Variants in SLC2A9 observed in about 807,000 individuals in gnomAD.
The protein encoded by SLC2A9 is solute carrier family 2 member 9.
In SLC2A9, 39 loss-of-function variants were observed where a neutral mutation model predicts 50.6. That is an observed-to-expected ratio of 0.77 (90% CI 0.60 to 1.01). SLC2A9 has a LOEUF of 1.01. SLC2A9 is among the 50% of genes least tolerant of loss of function. The probability of loss-of-function intolerance (pLI) is 0.00; values close to 1 mark genes in which losing one functional copy is unlikely to be tolerated. For synonymous variants in SLC2A9, 324 were observed against 276.9 expected (o/e 1.17, Z -1.69); for missense variants, 686 against 677.6 (o/e 1.01, Z -0.14).
rs559300020 is a variant in SLC2A9 at position 9,997,056 on chromosome 4, C to A, written c.250-115G>T. On this transcript the variant is annotated intron_variant, in intron 2 of 11. Transcript: ENST00000264784. Reference sequence around the variant, plus strand: ...GAGCATTTTCATGCATAGCACTTTGCTAATTTGTTTGAGCTTTATCTCATT... The same window carrying A: ...GAGCATTTTCATGCATAGCACTTTGATAATTTGTTTGAGCTTTATCTCATT... 46 of 1,255,590 alleles carry A rather than the reference C, an allele frequency of 3.7e-5. 1 individual carries two copies. The South Asian group carries it at 5.5e-4, about 15-fold the overall frequency. 77.8% of individuals were successfully genotyped at this position (1,255,590 alleles called of 1,614,324 possible).
intron 8 of SLC2A9, among the ~76,000 whole-genome samples, chr4:9,906,219 G>T (rs1261894010): frequency 1.3e-5 from 2 of 152,112 alleles, no homozygotes; most frequent in African/African-American, 4.8e-5. Flanking sequence ...CTTACTTGGG[G>T]GTCACGCGGC....
At chr4:9,883,094 A>G (rs1168841689) in intron 10 of SLC2A9, among the ~76,000 whole-genome samples, 2 of 152,008 alleles carry the variant, frequency 1.3e-5, no homozygotes, top group Non-Finnish European at 2.9e-5. Context: ...CTGGACAACT[A>G]TGCATCCTAA....
chr4:9,799,694 C>CA (rs1721091156), intron 3 of SLC2A9, among the ~76,000 whole-genome samples: 5 of 57,460 alleles, frequency 8.7e-5, no homozygotes, highest in African/African-American at 1.8e-4. Flanking sequence ...CCAATTGTAC[C>CA]CCCCCCCCAC....
intron 5 of SLC2A9, among the ~76,000 whole-genome samples, chr4:9,944,508 C>T (rs10939620): frequency 0.57 from 87,302 of 152,076 alleles, 26,264 homozygotes; most frequent in African/African-American, 0.77. Context: ...CATGGGTGAC[C>T]ATGGTCTTCT....
At chr4:9,936,905 T>C (rs1577975133) in intron 6 of SLC2A9, among the ~76,000 whole-genome samples, 1 of 152,292 alleles carries the variant, frequency 6.6e-6, no homozygotes, top group South Asian at 2.1e-4. Flanking sequence ...GTTGGGACTA[T>C]CATGTCATCC....
chr4:9,894,307 C>T (rs566138742), intron 8 of SLC2A9, among the ~76,000 whole-genome samples: 36 of 151,988 alleles, frequency 2.4e-4, no homozygotes, highest in African/African-American at 7.7e-4. Flanking sequence ...CAATCTTAGG[C>T]GAAAAGAGTA....
intron 11 of SLC2A9, among the ~76,000 whole-genome samples, chr4:9,831,043 C>T (rs140576835): frequency 2.0e-5 from 3 of 152,298 alleles, no homozygotes; most frequent in Non-Finnish European, 4.4e-5. Context: ...TGATTCGTGC[C>T]GTTGTCTGTG....
chr4:9,918,831 T>C (rs562169738), intron 7 of SLC2A9, among the ~76,000 whole-genome samples: 13 of 152,210 alleles, frequency 8.5e-5, no homozygotes, highest in Non-Finnish European at 1.6e-4. Flanking sequence ...GCTGGAAATA[T>C]TATCCCGACT....
At chr4:9,972,302 T>A (rs139062597) in intron 5 of SLC2A9, among the ~76,000 whole-genome samples, 3 of 152,334 alleles carry the variant, frequency 2.0e-5, no homozygotes, top group African/African-American at 4.8e-5. Flanking sequence ...TCTCTTCTCA[T>A]ACTTTTGCCT....
At chr4:9,895,441 T>C (rs1738359084) in intron 8 of SLC2A9, among the ~76,000 whole-genome samples, 2 of 152,240 alleles carry the variant, frequency 1.3e-5, no homozygotes, top group Non-Finnish European at 2.9e-5. Flanking sequence ...CCACTTGACA[T>C]TAAAATCATG....
At chr4:10,032,046 T>C (rs1250499663) in intron 1 of SLC2A9, among the ~76,000 whole-genome samples, 1 of 152,218 alleles carries the variant, frequency 6.6e-6, no homozygotes, top group African/African-American at 2.4e-5. Context: ...AGCACCTACC[T>C]TGTGTCAGGC....
intron 1 of SLC2A9, among the ~76,000 whole-genome samples, chr4:9,774,375 T>C (rs111289431): frequency 9.3e-4 from 141 of 152,318 alleles, no homozygotes; most frequent in African/African-American, 3.3e-3. Flanking sequence ...CACGTAAAGC[T>C]TCCTGCCTCT....
At chr4:10,027,893 T>C (rs1259907408) in intron 1 of SLC2A9, among the ~76,000 whole-genome samples, 2 of 152,192 alleles carry the variant, frequency 1.3e-5, no homozygotes, top group Non-Finnish European at 2.9e-5. Context: ...GTGCGGTTGA[T>C]TAATAACTAT....
At chr4:9,971,514 C>T (rs998494017) in intron 5 of SLC2A9, among the ~76,000 whole-genome samples, 1 of 152,310 alleles carries the variant, frequency 6.6e-6, no homozygotes, top group African/African-American at 2.4e-5. Context: ...CTCCAAACCC[C>T]TCTTGTTGCT....
chr4:9,931,962 C>CTCTATATA (rs1560329576), intron 6 of SLC2A9, among the ~76,000 whole-genome samples: 5 of 14,580 alleles, frequency 3.4e-4, no homozygotes, highest in Non-Finnish European at 4.5e-4. Context: ...CTCTCTCTCT[C>CTCTATATA]TATATATATA....
chr4:9,780,574 C>T (rs937603755), intron 3 of SLC2A9, among the ~76,000 whole-genome samples: 1 of 152,204 alleles, frequency 6.6e-6, no homozygotes, highest in Non-Finnish European at 1.5e-5. Flanking sequence ...AAAGTCCAGT[C>T]TGTTTCTAGA....
intron 5 of SLC2A9, among the ~76,000 whole-genome samples, chr4:9,947,388 C>T (rs1258572541): frequency 6.6e-6 from 1 of 152,176 alleles, no homozygotes; most frequent in Non-Finnish European, 1.5e-5. Flanking sequence ...GAAAGGTGCA[C>T]CGAGCACTCA....
chr4:10,021,836 C>T (rs573114845), upstream of SLC2A9, among the ~76,000 whole-genome samples: 27 of 140,304 alleles, frequency 1.9e-4, no homozygotes, highest in South Asian at 5.4e-3. Flanking sequence ...GCCCCTGACT[C>T]TTCCACTTTT....
chr4:9,887,542 C>T lies in SLC2A9; in HGVS notation c.1291+25G>A, dbSNP rs943592026. On this transcript the variant is annotated intron_variant, in intron 10 of 11. Transcript: ENST00000264784. ...TGATGCCATGAGTCCCTGGGCGGGG[C>T]AGTGGGGAGGGTGGGGTGCCTTACC... 12 of 1,543,820 alleles carry T rather than the reference C, an allele frequency of 7.8e-6. No individual in the cohort carries two copies. In the African/African-American group the frequency reaches 1.5e-4, roughly 19 times the overall value.
Sources: allele counts gnomAD v4.1 joint callset (sites outside exome capture counted in the v4.1 genomes callset), GRCh38; gene constraint gnomAD v4.1.1; transcripts MANE v1.5; gene names NCBI Gene and HGNC (gene_info 2026-07-23, HGNC 2026-07-21).